KREMEN1: variants seen among roughly 807,000 people sequenced by gnomAD.
KREMEN1 encodes kringle containing transmembrane protein 1.
Under a neutral mutation model 46.5 loss-of-function variants are expected in KREMEN1, and 30 were observed. The observed-to-expected ratio is 0.65, with a 90% CI of 0.48 to 0.88. The LOEUF (loss-of-function observed/expected upper bound fraction) is 0.88. Among genes scored for constraint, KREMEN1 ranks in the 40% least tolerant of loss-of-function variants. The probability of loss-of-function intolerance (pLI) is 0.00; values close to 1 mark genes in which losing one functional copy is unlikely to be tolerated. For synonymous variants in KREMEN1, 214 were observed against 230.6 expected (o/e 0.93, Z 0.65); for missense variants, 533 against 596.9 (o/e 0.89, Z 1.11).
chr22:29,151,021 C>A (rs2038910968), downstream of KREMEN1, among the ~76,000 whole-genome samples: 1 of 152,196 alleles, frequency 6.6e-6, no homozygotes, highest in South Asian at 2.1e-4. Flanking sequence ...AGCTCATCTT[C>A]AAGGATATGG....
At position 29,146,109 on chromosome 22, in the gene KREMEN1, C is replaced by T. The variant is rs1028905265; in HGVS notation, c.*3997C>T. On this transcript the variant is annotated 3_prime_UTR_variant, in exon 9 of 9. Transcript: ENST00000400335. ...GGTCTCCCACGGAGCCGGGCAGCTC[C>T]ACACCCCACCACCTGGCACCGTTAG... The T allele has an allele frequency of 2.0e-6, 2 of 985,900 alleles. No homozygotes were observed. Among genetic ancestry groups the T allele is most frequent in the African/African-American group, 3.5e-5 (2 of 57,234 alleles). 61.1% of individuals were successfully genotyped at this position (985,900 alleles called of 1,614,324 possible). A position where few individuals can be genotyped will look rare whatever the true frequency, so the allele number is the denominator to read the frequency against.
At chr22:29,096,367 TA>T (rs2145766832) in intron 2 of KREMEN1, among the ~76,000 whole-genome samples, 1 of 152,352 alleles carries the variant, frequency 6.6e-6, no homozygotes, top group Non-Finnish European at 1.5e-5. Context: ...AGTCTGACTT[TA>T]AGGTAAATTT....
At chr22:29,122,721 CG>C (rs2038374270) in intron 4 of KREMEN1, among the ~76,000 whole-genome samples, 1 of 151,632 alleles carries the variant, frequency 6.6e-6, no homozygotes, top group East Asian at 1.9e-4. Flanking sequence ...GGGTGGATCA[CG>C]AGGTCAGGAG....
chr22:29,100,130 C>T (rs1166679214), intron 3 of KREMEN1, among the ~76,000 whole-genome samples: 1 of 141,004 alleles, frequency 7.1e-6, no homozygotes. Context: ...CTCACTCTGT[C>T]TCCCAGGCTG....
At chr22:29,097,838 A>C (rs1415028457) in intron 2 of KREMEN1, among the ~76,000 whole-genome samples, 1 of 152,196 alleles carries the variant, frequency 6.6e-6, no homozygotes, top group Non-Finnish European at 1.5e-5. Context: ...GTCTTTTCAA[A>C]ACATGGAATT....
chr22:29,102,732 C>CA (rs1433267603), intron 3 of KREMEN1, among the ~76,000 whole-genome samples: 1 of 151,996 alleles, frequency 6.6e-6, no homozygotes, highest in Non-Finnish European at 1.5e-5. Context: ...TTTCCTGTTC[C>CA]AAAAAAGGAA....
chr22:29,117,522 G>A lies in KREMEN1; in HGVS notation c.353-3835G>A, dbSNP rs570556834. Among the ~76,000 whole-genome samples the A allele has an allele frequency of 1.7e-4, 26 of 151,358 alleles. No individual in the cohort carries two copies. In the East Asian group the frequency reaches 4.7e-3, roughly 27 times the overall value. ...GCGGAGCTTGCAGTGAGCCAAGATG[G>A]CACCACTGCACTCCAGCCTGGGCAA... On this transcript the variant is annotated intron_variant, in intron 3 of 8. Coordinates refer to ENST00000400335, the MANE Select transcript of KREMEN1 (RefSeq NM_001039570.3).
intron 3 of KREMEN1, among the ~76,000 whole-genome samples, chr22:29,115,161 C>T (rs937420976): frequency 1.3e-5 from 2 of 152,024 alleles, no homozygotes; most frequent in Non-Finnish European, 2.9e-5. Flanking sequence ...AGATTATATT[C>T]CAAGTGTGAA....
intron 1 of KREMEN1, among the ~76,000 whole-genome samples, chr22:29,088,067 C>G (rs960553803): frequency 6.6e-6 from 1 of 152,004 alleles, no homozygotes; most frequent in African/African-American, 2.4e-5. Context: ...ATATTTATAG[C>G]TGAAATTTTG....
exon 10 of KREMEN1, chr22:29,168,006 A>G (rs2039068382): frequency 6.6e-6 from 1 of 152,268 alleles, no homozygotes; most frequent in Admixed American, 6.5e-5. Context: ...AGGACTGGCC[A>G]TATAATCTGC....
chr22:29,092,285 G>C (rs2037816814), intron 1 of KREMEN1, among the ~76,000 whole-genome samples: 1 of 152,164 alleles, frequency 6.6e-6, no homozygotes, highest in South Asian at 2.1e-4. Context: ...ATGCTGAGGA[G>C]GGTCCATTAG....
At chr22:29,099,490 CTAAAATG>C (rs2037939366) in intron 3 of KREMEN1, 1 of 151,098 alleles carries the variant, frequency 6.6e-6, no homozygotes, top group Non-Finnish European at 1.5e-5. Flanking sequence ...CAGCCTTTTA[CTAAAATG>C]CCTGTTTTCT....
chr22:29,126,454 A>G (rs185112573), intron 5 of KREMEN1, among the ~76,000 whole-genome samples: 2 of 151,308 alleles, frequency 1.3e-5, no homozygotes, highest in Admixed American at 1.3e-4. Flanking sequence ...TGGCTGCACC[A>G]CTCCAGTCTC....
At chr22:29,119,202 A>C (rs372276155) in intron 3 of KREMEN1, among the ~76,000 whole-genome samples, 8 of 152,174 alleles carry the variant, frequency 5.3e-5, no homozygotes, top group African/African-American at 1.9e-4. Context: ...TTAAAAAAAT[A>C]AAATTAAAAG....
chr22:29,121,344 C>T lies in KREMEN1; in HGVS notation c.353-13C>T, dbSNP rs746013578. 2.0e-4 allele frequency: 328 copies of T among 1,611,416 alleles called. 1 individual carries two copies. Among genetic ancestry groups the T allele is most frequent in the Non-Finnish European group, 2.6e-4 (312 of 1,178,986 alleles). ...GATGTTGCGAAATTCTTTTGTTTTT[C>T]TTTTTTCTTTAGTGCCTGGAAACCT... On this transcript the variant is annotated splice_polypyrimidine_tract_variant and intron_variant, in intron 3 of 8. Coordinates refer to ENST00000400335, the MANE Select transcript of KREMEN1 (RefSeq NM_001039570.3).
intron 4 of KREMEN1, chr22:29,125,062 G>A: frequency 1.7e-6 from 1 of 589,728 alleles, no homozygotes; most frequent in Non-Finnish European, 3.0e-6. Flanking sequence ...CTCGCCGACA[G>A]GGAAACACAT....
intron 7 of KREMEN1, among the ~76,000 whole-genome samples, chr22:29,139,209 A>C (rs572650510): frequency 8.9e-4 from 135 of 152,336 alleles, no homozygotes; most frequent in African/African-American, 3.1e-3. Flanking sequence ...TGGATTATAG[A>C]GTGAACCAAA....
At position 29,142,275 on chromosome 22, in the gene KREMEN1, T is replaced by A. The variant is rs919494379; in HGVS notation, c.*163T>A. 1 of 1,334,756 alleles carries A rather than the reference T, an allele frequency of 7.5e-7. No individual in the cohort carries two copies. 82.7% of individuals were successfully genotyped at this position (1,334,756 alleles called of 1,614,324 possible). A position where few individuals can be genotyped will look rare whatever the true frequency, so the allele number is the denominator to read the frequency against. On this transcript the variant is annotated 3_prime_UTR_variant, in exon 9 of 9. Coordinates refer to ENST00000400335, the MANE Select transcript of KREMEN1 (RefSeq NM_001039570.3). ...TACAGACTAGGAAGAGGCACCCTGC[T>A]GCCAGGGCAGGCAGAGCCTGGATTC...
At chr22:29,132,078 G>A (rs1353825829) in intron 5 of KREMEN1, among the ~76,000 whole-genome samples, 1 of 151,640 alleles carries the variant, frequency 6.6e-6, no homozygotes, top group East Asian at 1.9e-4. Context: ...CTCCGGGTTG[G>A]TCAGGCTGGT....
Sources: gnomAD v4.1 joint callset for allele counts (sites outside exome capture counted in the v4.1 genomes callset) on GRCh38, gnomAD v4.1.1 for gene constraint, MANE v1.5 for transcripts, NCBI Gene and HGNC (gene_info 2026-07-23, HGNC 2026-07-21) for gene names.